FER: variants seen among roughly 807,000 people sequenced by gnomAD.
FER encodes the protein FER tyrosine kinase, also known as tyrosine-protein kinase Fer.
A neutral mutation model predicts 111.0 loss-of-function variants in FER; 63 were observed. That is an observed-to-expected ratio of 0.57 (90% CI 0.46 to 0.70). The LOEUF (loss-of-function observed/expected upper bound fraction) is 0.70. Ranked by LOEUF, FER falls within the 30% of genes least tolerant of loss-of-function variation. The pLI is 0.00. For missense variants in FER, 914 were observed against 954.0 expected (o/e 0.96, Z 0.55); for synonymous variants, 327 against 313.9 (o/e 1.04, Z -0.44).
chr5:108,840,019 TAAAAC>T (rs1761101303), intron 5 of FER, among the ~76,000 whole-genome samples: 1 of 152,114 alleles, frequency 6.6e-6, no homozygotes, highest in Non-Finnish European at 1.5e-5. Flanking sequence ...AAAAAAAAAT[TAAAAC>T]AAACGTAGAA....
chr5:109,151,991 G>T (rs1754903886), intron 17 of FER, among the ~76,000 whole-genome samples: 1 of 152,190 alleles, frequency 6.6e-6, no homozygotes, highest in South Asian at 2.1e-4. Flanking sequence ...CAGCATTTCT[G>T]AGACTTTCGG....
intron 3 of FER, among the ~76,000 whole-genome samples, chr5:108,817,103 C>CAAAAAAAAAAAAAA (rs70999913): frequency 8.4e-5 from 5 of 59,204 alleles, no homozygotes; most frequent in African/African-American, 2.5e-4. Flanking sequence ...GACACTGTCT[C>CAAAAAAAAAAAAAA]AAAAAAAAAA....
intron 3 of FER, among the ~76,000 whole-genome samples, chr5:108,809,943 T>C (rs1757574411): frequency 6.6e-6 from 1 of 152,240 alleles, no homozygotes; most frequent in South Asian, 2.1e-4. Flanking sequence ...TATGATCCTT[T>C]GGTGATGTCA....
chr5:108,811,276 G>T (rs1407736083), intron 3 of FER, among the ~76,000 whole-genome samples: 1 of 152,210 alleles, frequency 6.6e-6, no homozygotes, highest in Non-Finnish European at 1.5e-5. Flanking sequence ...CTAGAGATCT[G>T]CCTGGGTATG....
chr5:109,031,152 AG>A (rs1282184046), intron 13 of FER, among the ~76,000 whole-genome samples: 1 of 152,028 alleles, frequency 6.6e-6, no homozygotes, highest in East Asian at 1.9e-4. Context: ...TATATAATCC[AG>A]GGGAGGAATA....
chr5:108,804,517 T>C (rs1412917204), intron 3 of FER, among the ~76,000 whole-genome samples: 1 of 152,224 alleles, frequency 6.6e-6, no homozygotes, highest in African/African-American at 2.4e-5. Flanking sequence ...CCATGCCTAG[T>C]TTATTGAGGA....
Position 109,037,439 on chromosome 5 carries a change from C to G in FER, c.1674C>G (p.Leu558=). The change falls in exon 14 of 20, where the codon CTC becomes CTG. Residue 558 remains leucine (L), a synonymous_variant. Coordinates refer to ENST00000281092, the MANE Select transcript of FER (RefSeq NM_005246.4). ...TGCTGTAGGACAAGAAATGGATTCT[C>G]AGTCATGAAGATGTCATATTGGGAG... ...NPIPKDKKWI[L]SHEDVILGEL... 1 of 1,611,836 alleles carries G rather than the reference C, an allele frequency of 6.2e-7. No homozygotes were observed. The highest frequency in any genetic ancestry group is 8.5e-7 in the Non-Finnish European group (1 of 1,178,408).
intron 12 of FER, among the ~76,000 whole-genome samples, chr5:108,957,773 T>C (rs1477231528): frequency 1.3e-5 from 2 of 151,634 alleles, no homozygotes; most frequent in African/African-American, 4.8e-5. Flanking sequence ...TACCATATAC[T>C]GGGTAAAGTG....
At chr5:109,172,237 A>T (rs531030220) in intron 17 of FER, among the ~76,000 whole-genome samples, 2 of 151,864 alleles carry the variant, frequency 1.3e-5, no homozygotes, top group Non-Finnish European at 1.5e-5. Flanking sequence ...ACCAACCCAA[A>T]TGTCCAACAA....
chr5:108,829,128 C>T (rs1381180985), intron 3 of FER, among the ~76,000 whole-genome samples: 2 of 152,152 alleles, frequency 1.3e-5, no homozygotes, highest in African/African-American at 4.8e-5. Flanking sequence ...ATTTTACTCT[C>T]CTCTCTTTTA....
At chr5:108,858,959 GTGTT>G (rs1763262663) in intron 5 of FER, among the ~76,000 whole-genome samples, 1 of 152,062 alleles carries the variant, frequency 6.6e-6, no homozygotes, top group Non-Finnish European at 1.5e-5. Context: ...GTATGTGTGT[GTGTT>G]TGTGTGTGTG....
chr5:108,924,634 G>T, intron 10 of FER: 4 of 1,231,696 alleles, frequency 3.2e-6, no homozygotes, highest in Non-Finnish European at 4.0e-6. Context: ...TGGGCCCACT[G>T]TCACTATCTC....
chr5:109,013,349 G>A (rs554037946), intron 13 of FER, among the ~76,000 whole-genome samples: 2 of 150,684 alleles, frequency 1.3e-5, no homozygotes, highest in Admixed American at 6.6e-5. Context: ...TTGTCCTTGC[G>A]ATAGTTTACT....
chr5:109,187,112 T>G (rs1323847047), intron 19 of FER, among the ~76,000 whole-genome samples: 1 of 152,238 alleles, frequency 6.6e-6, no homozygotes, highest in Non-Finnish European at 1.5e-5. Flanking sequence ...AGATGATTTT[T>G]TAAAACTGTT....
At chr5:108,802,358 T>G (rs1390789584) in intron 3 of FER, among the ~76,000 whole-genome samples, 1 of 152,144 alleles carries the variant, frequency 6.6e-6, no homozygotes, top group African/African-American at 2.4e-5. Context: ...TGTTAAAAAA[T>G]AATTCAACTT....
chr5:109,152,005 A>G (rs1051227562), intron 17 of FER, among the ~76,000 whole-genome samples: 1 of 152,104 alleles, frequency 6.6e-6, no homozygotes, highest in Non-Finnish European at 1.5e-5. Context: ...CTTTCGGGCA[A>G]CCGTAGCTGT....
chr5:108,865,365 G>C (rs202183966), intron 5 of FER, among the ~76,000 whole-genome samples: 1 of 152,004 alleles, frequency 6.6e-6, no homozygotes, highest in African/African-American at 2.4e-5. Flanking sequence ...CTGCCTGATT[G>C]CCCTGGCCAG....
At chr5:108,875,944 A>G (rs1411268453) in intron 8 of FER, among the ~76,000 whole-genome samples, 11 of 152,222 alleles carry the variant, frequency 7.2e-5, no homozygotes, top group Admixed American at 7.2e-4. Flanking sequence ...TAAAATGTGT[A>G]GTCTTGTATT....
At chr5:108,985,812 C>T (rs1389152339) in intron 13 of FER, among the ~76,000 whole-genome samples, 1 of 152,002 alleles carries the variant, frequency 6.6e-6, no homozygotes. Flanking sequence ...ATATATACAC[C>T]ACAATTTCTT....
Sources: gnomAD v4.1 joint callset for allele counts (sites outside exome capture counted in the v4.1 genomes callset) on GRCh38, gnomAD v4.1.1 for gene constraint, MANE v1.5 for transcripts, NCBI Gene and HGNC (gene_info 2026-07-23, HGNC 2026-07-21) for gene names.